The following MCTP1 variants were observed in gnomAD, a reference collection of about 807,000 sequenced individuals.
The protein encoded by MCTP1 is multiple C2 and transmembrane domain-containing protein 1.
Under a neutral mutation model 120.6 loss-of-function variants are expected in MCTP1, and 69 were observed. That is an observed-to-expected ratio of 0.57 (90% CI 0.47 to 0.70). MCTP1 has a LOEUF of 0.70. Among genes scored for constraint, MCTP1 ranks in the 30% least tolerant of loss-of-function variants. The pLI, the probability that MCTP1 is intolerant of heterozygous loss-of-function variation, is 0.00. For missense variants in MCTP1, 1,203 were observed against 1,248.8 expected, an observed-to-expected ratio of 0.96 and a Z score of 0.55; for synonymous variants, 529 against 493.1, an observed-to-expected ratio of 1.07 and a Z score of -0.96.
rs187705117 is a variant in MCTP1, at chr5:95,182,920, G to A, written c.720+100936C>T. Among the ~76,000 whole-genome samples the A allele has an allele frequency of 3.3e-3, 498 of 151,906 alleles. 4 individuals carry two copies. Among genetic ancestry groups the A allele is most frequent in the African/African-American group, 0.011 (456 of 41,438 alleles). On this transcript the variant is annotated intron_variant, in intron 1 of 22. Transcript: ENST00000515393. ...GGGTGCCTGTAATCCCAGCTACTCA[G>A]GAGGCTGAGGCAGGAGAATCGCTTG... is the stretch of plus-strand genomic sequence containing the variant.
chr5:95,276,304 G>T (rs1759828854), intron 1 of MCTP1, among the ~76,000 whole-genome samples: 1 of 127,368 alleles, frequency 7.9e-6, no homozygotes, highest in African/African-American at 2.9e-5. Context: ...TGTCGCCCAG[G>T]CTGGAATGCA....
rs111623515 is a variant in MCTP1, at chr5:95,270,845, G to A, written c.720+13011C>T. 4.2e-3 allele frequency among the ~76,000 whole-genome samples: 635 copies of A among 151,912 alleles called. 5 individuals carry two copies. Among genetic ancestry groups the A allele is most frequent in the African/African-American group, 0.014 (595 of 41,402 alleles). On this transcript the variant is annotated intron_variant, in intron 1 of 22. Transcript: ENST00000515393. ...CTTGGGAGACTGAGGCAGGAGAATC[G>A]CTTGAACCCAGGAGGTGGAGGTTGC... is the stretch of plus-strand genomic sequence containing the variant.
At chr5:94,948,323 A>C (rs1819614662) in intron 3 of MCTP1, among the ~76,000 whole-genome samples, 3 of 152,198 alleles carry the variant, frequency 2.0e-5, no homozygotes. Flanking sequence ...TTCTCAGTCC[A>C]TGGTAGTAAC....
At position 94,908,051 on chromosome 5, in the gene MCTP1, C is replaced by T. The variant is rs552818688; in HGVS notation, c.1652+1200G>A. On this transcript the variant is annotated intron_variant, in intron 10 of 22. Coordinates refer to ENST00000515393, the MANE Select transcript of MCTP1 (RefSeq NM_024717.7). Reference sequence around the variant, plus strand: ...GCTACTTAGCACCTTCTCGAAAGAGCTCATAGCCTATTGAGGGAGACAGAA... The same window carrying T: ...GCTACTTAGCACCTTCTCGAAAGAGTTCATAGCCTATTGAGGGAGACAGAA... Among the ~76,000 whole-genome samples the T allele has an allele frequency of 4.6e-5, 7 of 152,126 alleles. No homozygotes were observed. In the South Asian group the frequency reaches 1.5e-3, roughly 32 times the overall value.
intron 17 of MCTP1, among the ~76,000 whole-genome samples, chr5:94,832,759 G>A (rs772270706): frequency 6.6e-6 from 1 of 152,122 alleles, no homozygotes; most frequent in Non-Finnish European, 1.5e-5. Context: ...AATTTATTGT[G>A]GGCCCTTGTA....
chr5:94,962,656 G>A (rs1331252010), intron 2 of MCTP1, among the ~76,000 whole-genome samples: 1 of 151,922 alleles, frequency 6.6e-6, no homozygotes, highest in Non-Finnish European at 1.5e-5. Flanking sequence ...TCACTCATAA[G>A]TGGGAGCTAA....
intron 3 of MCTP1, among the ~76,000 whole-genome samples, chr5:94,948,046 G>A (rs1165675689): frequency 6.6e-6 from 1 of 152,032 alleles, no homozygotes; most frequent in Non-Finnish European, 1.5e-5. Context: ...GGCAGTTTCA[G>A]AATAACCATC....
At chr5:95,033,368 G>A (rs1421849231) in intron 1 of MCTP1, among the ~76,000 whole-genome samples, 2 of 151,934 alleles carry the variant, frequency 1.3e-5, no homozygotes, top group African/African-American at 2.4e-5. Flanking sequence ...ACCACAAAAG[G>A]TAATTCATCA....
chr5:94,932,458 C>G (rs138239871), intron 5 of MCTP1, among the ~76,000 whole-genome samples: 2 of 151,968 alleles, frequency 1.3e-5, no homozygotes, highest in African/African-American at 4.8e-5. Context: ...CCTACAAATG[C>G]TTTCAATTAA....
At chr5:94,901,516 CAG>C (rs1303905791) in intron 10 of MCTP1, among the ~76,000 whole-genome samples, 3 of 151,982 alleles carry the variant, frequency 2.0e-5, no homozygotes, top group Non-Finnish European at 4.4e-5. Flanking sequence ...GATGGTACCT[CAG>C]AGAGTGAGAA....
rs541776050 is a variant in MCTP1 at position 95,000,702 on chromosome 5, T to G, written c.838+16665A>C. ...GACAAGACTCAAAAAATTCTAAAAA[T>G]TAAATATTTTATAAGTTAAAAAAGA... On this transcript the variant is annotated intron_variant, in intron 2 of 22. Transcript: ENST00000515393. Among the ~76,000 whole-genome samples, 9 of 152,292 alleles carry G rather than the reference T, an allele frequency of 5.9e-5. No homozygotes were observed. In the East Asian group the frequency reaches 1.7e-3, roughly 29 times the overall value.
intron 3 of MCTP1, among the ~76,000 whole-genome samples, chr5:94,948,749 C>G (rs1388537842): frequency 2.0e-5 from 3 of 152,058 alleles, no homozygotes; most frequent in Non-Finnish European, 4.4e-5. Flanking sequence ...GAATCAGAGT[C>G]TTCTCTGATT....
intron 19 of MCTP1, among the ~76,000 whole-genome samples, chr5:94,735,886 G>T (rs979715262): frequency 6.6e-6 from 1 of 152,182 alleles, no homozygotes; most frequent in African/African-American, 2.4e-5. Flanking sequence ...GGGTTATCAA[G>T]CAGGGAAGTC....
intron 19 of MCTP1, among the ~76,000 whole-genome samples, chr5:94,778,567 A>T (rs1300719756): frequency 6.6e-6 from 1 of 152,156 alleles, no homozygotes; most frequent in African/African-American, 2.4e-5. Flanking sequence ...AGCCTCTCTG[A>T]ATGGGCTTTC....
intron 18 of MCTP1, among the ~76,000 whole-genome samples, chr5:94,794,919 GC>G (rs1336625197): frequency 1.3e-5 from 2 of 152,138 alleles, no homozygotes; most frequent in Non-Finnish European, 2.9e-5. Flanking sequence ...CTGTAACAGT[GC>G]CCAGGGAGAG....
intron 5 of MCTP1, among the ~76,000 whole-genome samples, chr5:94,933,508 A>C (rs147502163): frequency 6.6e-6 from 1 of 151,878 alleles, no homozygotes; most frequent in East Asian, 1.9e-4. Flanking sequence ...GATAATAAAC[A>C]CTCAACTTTC....
chr5:95,280,943 T>C (rs1760267300), intron 1 of MCTP1, among the ~76,000 whole-genome samples: 1 of 152,218 alleles, frequency 6.6e-6, no homozygotes, highest in Non-Finnish European at 1.5e-5. Context: ...TGTTGGGGCC[T>C]CGTGCTGGGC....
intron 17 of MCTP1, among the ~76,000 whole-genome samples, chr5:94,830,653 CAT>C: frequency 6.6e-6 from 1 of 152,264 alleles, no homozygotes; most frequent in Non-Finnish European, 1.5e-5. Context: ...TATGAGAATT[CAT>C]ATATCTGACT....
At chr5:95,124,260 C>T (rs902506328) in intron 1 of MCTP1, among the ~76,000 whole-genome samples, 1 of 152,148 alleles carries the variant, frequency 6.6e-6, no homozygotes, top group Non-Finnish European at 1.5e-5. Flanking sequence ...GCATACTCTA[C>T]TTTGGAACGT....
Sources: allele counts gnomAD v4.1 joint callset (sites outside exome capture counted in the v4.1 genomes callset), GRCh38; gene constraint gnomAD v4.1.1; transcripts MANE v1.5; gene names NCBI Gene and HGNC (gene_info 2026-07-23, HGNC 2026-07-21).